The following UBE2G1 variants were observed in gnomAD, a reference collection of about 807,000 sequenced individuals.
UBE2G1 encodes the protein ubiquitin-conjugating enzyme E2 G1.
Under a neutral mutation model 22.7 loss-of-function variants are expected in UBE2G1, and 5 were observed. The ratio of observed to expected loss-of-function variants is 0.22; its 90% CI spans 0.12 to 0.46. The LOEUF is 0.46. Ranked by LOEUF, UBE2G1 falls within the 20% of genes least tolerant of loss-of-function variation. The pLI, the probability that UBE2G1 is intolerant of heterozygous loss-of-function variation, is 0.99. For missense variants in UBE2G1, 88 were observed against 203.9 expected, an observed-to-expected ratio of 0.43 and a Z score of 3.46; for synonymous variants, 74 against 67.5, an observed-to-expected ratio of 1.10 and a Z score of -0.47.
At chr17:4,290,782 T>C (rs931609738) in intron 3 of UBE2G1, among the ~76,000 whole-genome samples, 27 of 4,038 alleles carry the variant, frequency 6.7e-3, no homozygotes, top group African/African-American at 7.8e-3. Context: ...TTCCTGGCTT[T>C]TTTTTTTTTT....
chr17:4,358,471 C>T (rs1969931829), intron 1 of UBE2G1, among the ~76,000 whole-genome samples: 1 of 151,428 alleles, frequency 6.6e-6, no homozygotes, highest in South Asian at 2.1e-4. Flanking sequence ...TTTTTTTAAA[C>T]TGTTGAGGGT....
intron 1 of UBE2G1, among the ~76,000 whole-genome samples, chr17:4,365,745 C>A (rs1970026242): frequency 2.0e-5 from 3 of 152,172 alleles, no homozygotes; most frequent in Admixed American, 6.5e-5. Context: ...CTTTTGTTGT[C>A]GGCCCCAACT....
chr17:4,316,252 C>T (rs143396853), intron 1 of UBE2G1, among the ~76,000 whole-genome samples: 1 of 152,252 alleles, frequency 6.6e-6, no homozygotes, highest in Non-Finnish European at 1.5e-5. Context: ...TTTATTTATA[C>T]AACACAGTTG....
At chr17:4,317,375 G>C (rs1969387701) in intron 1 of UBE2G1, among the ~76,000 whole-genome samples, 1 of 152,050 alleles carries the variant, frequency 6.6e-6, no homozygotes, top group Non-Finnish European at 1.5e-5. Context: ...AAATTAGCCG[G>C]ACATGGTGGC....
chr17:4,328,853 G>A (rs1386960101), intron 1 of UBE2G1, among the ~76,000 whole-genome samples: 10 of 152,156 alleles, frequency 6.6e-5, no homozygotes, highest in Admixed American at 3.3e-4. Flanking sequence ...TTGGGAGGCC[G>A]GGGCGGGCAG....
intron 4 of UBE2G1, 44 bp from the exon 5 acceptor site, chr17:4,282,965 C>T: frequency 1.4e-6 from 2 of 1,432,752 alleles, no homozygotes; most frequent in Non-Finnish European, 9.7e-7. Flanking sequence ...ATGCAAACTC[C>T]CCTTTATAAT....
intron 1 of UBE2G1, among the ~76,000 whole-genome samples, chr17:4,343,258 A>G (rs975856598): frequency 1.3e-5 from 2 of 152,222 alleles, no homozygotes; most frequent in African/African-American, 4.8e-5. Flanking sequence ...GGTAATTTTT[A>G]CATGATCCTA....
At chr17:4,347,561 A>G (rs868036081) in intron 1 of UBE2G1, among the ~76,000 whole-genome samples, 1 of 131,764 alleles carries the variant, frequency 7.6e-6, no homozygotes, top group Middle Eastern at 4.5e-3. Context: ...TGCAACCTCC[A>G]CCTCCTAGGT....
intron 5 of UBE2G1, among the ~76,000 whole-genome samples, chr17:4,275,044 A>G (rs1209446044): frequency 1.3e-5 from 2 of 151,564 alleles, no homozygotes; most frequent in Non-Finnish European, 2.9e-5. Context: ...GGAACAGAAC[A>G]GGGCAGGGGA....
intron 3 of UBE2G1, among the ~76,000 whole-genome samples, chr17:4,292,034 G>T (rs1321367842): frequency 6.6e-6 from 1 of 151,816 alleles, no homozygotes; most frequent in Non-Finnish European, 1.5e-5. Context: ...AAGCTACCTG[G>T]GCCGGGCACA....
chr17:4,324,236 G>A (rs1201173814), intron 1 of UBE2G1, among the ~76,000 whole-genome samples: 1 of 152,124 alleles, frequency 6.6e-6, no homozygotes, highest in African/African-American at 2.4e-5. Context: ...AGCTTCTTAG[G>A]TTAGACCTGC....
intron 2 of UBE2G1, chr17:4,302,311 TG>T: frequency 2.1e-6 from 1 of 473,350 alleles, no homozygotes; most frequent in Non-Finnish European, 4.3e-6. Context: ...GTTCTGCGTG[TG>T]GTTGCAGCCA....
chr17:4,314,110 C>G (rs77987122), intron 1 of UBE2G1, among the ~76,000 whole-genome samples: 1,798 of 152,218 alleles, frequency 0.012, 38 homozygotes, highest in African/African-American at 0.041. Context: ...GATCTATCCA[C>G]TGAAAAGGTC....
rs540233411 is a variant in UBE2G1, at chr17:4,366,595, C to T, written c.-279G>A. The stretch of plus-strand genomic sequence containing the variant: ...CGCTCGCCCGCTTCCCTCCTTCAAC[C>T]CGCCCGTCGGCCCCACCGGTGCCTT... On this transcript the variant is annotated 5_prime_UTR_variant, in exon 1 of 6. Transcript: ENST00000396981. 1 of 346,978 alleles carries T rather than the reference C, an allele frequency of 2.9e-6. No individual in the cohort carries two copies. The highest frequency in any genetic ancestry group is 2.1e-5 in the African/African-American group (1 of 46,594). 21.5% of individuals were successfully genotyped at this position (346,978 alleles called of 1,614,324 possible).
At position 4,325,256 on chromosome 17, in the gene UBE2G1, T is replaced by TGAACC. The variant is rs985209373; in HGVS notation, c.47-18138_47-18134dup. On this transcript the variant is annotated intron_variant, in intron 1 of 5. Transcript: ENST00000396981. The stretch of plus-strand genomic sequence containing the variant: ...CCCATAGAATGTACAATACCAAAAG[T>TGAACC]GAACCCTGATATAAATGATGGGATT... 3.2e-4 allele frequency among the ~76,000 whole-genome samples: 48 copies of TGAACC among 152,310 alleles called. 1 individual carries two copies. The highest frequency in any genetic ancestry group is 1.2e-3 in the African/African-American group (48 of 41,584).
chr17:4,287,027 G>A (rs1179966585), intron 4 of UBE2G1, among the ~76,000 whole-genome samples: 2 of 151,864 alleles, frequency 1.3e-5, no homozygotes, highest in African/African-American at 4.8e-5. Flanking sequence ...CTCCAGCCTG[G>A]GCATCAGAGC....
intron 2 of UBE2G1, among the ~76,000 whole-genome samples, chr17:4,299,827 G>GTTT (rs34357475): frequency 1.7e-5 from 2 of 116,548 alleles, no homozygotes; most frequent in African/African-American, 5.8e-5. Context: ...CCTTTTTTTA[G>GTTT]TTTTTTTTTT....
At chr17:4,312,531 C>T (rs978936462) in intron 1 of UBE2G1, among the ~76,000 whole-genome samples, 14 of 151,836 alleles carry the variant, frequency 9.2e-5, no homozygotes, top group Admixed American at 7.2e-4. Context: ...CCCGTCTCTA[C>T]TAAAAATGCA....
In UBE2G1 at chr17:4,273,179, G is replaced by A. The variant is rs1478215625; in HGVS notation, c.*38-663C>T. On this transcript the variant is annotated intron_variant, in intron 5 of 5. Transcript: ENST00000396981. ...ACATAAAAAGCAGCACCGCCTCATCGAGTTCTGATGTGCCAAGCAGCATGC... is the reference window on the plus strand; with the variant it reads ...ACATAAAAAGCAGCACCGCCTCATCAAGTTCTGATGTGCCAAGCAGCATGC... 3.3e-5 allele frequency among the ~76,000 whole-genome samples: 5 copies of A among 152,282 alleles called. No homozygotes were observed. In the East Asian group the frequency reaches 7.7e-4, roughly 23 times the overall value.
Sources: allele counts gnomAD v4.1 joint callset (sites outside exome capture counted in the v4.1 genomes callset), GRCh38; gene constraint gnomAD v4.1.1; transcripts MANE v1.5; gene names NCBI Gene and HGNC (gene_info 2026-07-23, HGNC 2026-07-21).